PTPRJ: variants seen among roughly 807,000 people sequenced by gnomAD.
PTPRJ encodes the protein protein tyrosine phosphatase receptor type J, also known as receptor-type tyrosine-protein phosphatase eta.
A neutral mutation model predicts 141.3 loss-of-function variants in PTPRJ; 129 were observed. The ratio of observed to expected loss-of-function variants is 0.91; its 90% CI spans 0.79 to 1.06. The LOEUF is 1.06. Among genes scored for constraint, PTPRJ ranks in the 50% least tolerant of loss-of-function variants. PTPRJ has a pLI of 0.00. For synonymous variants in PTPRJ, 610 were observed against 640.5 expected (o/e 0.95, Z 0.72); for missense variants, 1,601 against 1,679.7 (o/e 0.95, Z 0.82).
In PTPRJ at chr11:48,142,998, A is replaced by G. The variant is rs749082149; in HGVS notation, c.2523A>G (p.Glu841=). ...NSVKVKFSGF[E]ASHGPIKAYA... ...TAAAGGTCAAGTTCAGTGGATTTGA[A>G]GCCAGCCACGGACCCATCAAAGCCT... The change falls in exon 12 of 25, where the codon GAA becomes GAG. Residue 841 remains glutamate (E), a synonymous_variant. Transcript: ENST00000418331. The G allele has an allele frequency of 6.2e-7, 1 of 1,614,202 alleles. No homozygotes were observed. Among genetic ancestry groups the G allele is most frequent in the East Asian group, 2.2e-5 (1 of 44,886 alleles).
chr11:48,010,505 A>G (rs1251518060), intron 1 of PTPRJ, among the ~76,000 whole-genome samples: 2 of 151,820 alleles, frequency 1.3e-5, no homozygotes, highest in Non-Finnish European at 2.9e-5. Flanking sequence ...TGTTGAATGA[A>G]TTGAAGACAT....
At chr11:48,137,891 T>A (rs1025045866) in intron 10 of PTPRJ, among the ~76,000 whole-genome samples, 1 of 152,170 alleles carries the variant, frequency 6.6e-6, no homozygotes, top group Non-Finnish European at 1.5e-5. Context: ...TCCTTCTTGA[T>A]CCTCACCTAT....
intron 1 of PTPRJ, among the ~76,000 whole-genome samples, chr11:48,042,997 A>G (rs1854307094): frequency 6.6e-6 from 1 of 152,196 alleles, no homozygotes; most frequent in African/African-American, 2.4e-5. Context: ...TTCTGATAAT[A>G]TGAAAAGTCT....
chr11:48,076,514 C>A (rs908361850), intron 1 of PTPRJ, among the ~76,000 whole-genome samples: 2 of 151,980 alleles, frequency 1.3e-5, no homozygotes, highest in Non-Finnish European at 2.9e-5. Context: ...TTTTTTGGTT[C>A]TTTCTCCTCA....
At chr11:48,115,645 A>G (rs981070137) in intron 3 of PTPRJ, among the ~76,000 whole-genome samples, 1 of 152,264 alleles carries the variant, frequency 6.6e-6, no homozygotes, top group African/African-American at 2.4e-5. Context: ...AGTCAAATTC[A>G]GAATACATGA....
chr11:48,056,028 G>T (rs571839494), intron 1 of PTPRJ, among the ~76,000 whole-genome samples: 1 of 152,206 alleles, frequency 6.6e-6, no homozygotes, highest in Admixed American at 6.5e-5. Context: ...TGGGGAGGAA[G>T]TGGGTTTTCA....
At chr11:48,077,475 A>G (rs1855435396) in intron 1 of PTPRJ, among the ~76,000 whole-genome samples, 1 of 152,176 alleles carries the variant, frequency 6.6e-6, no homozygotes, top group Non-Finnish European at 1.5e-5. Flanking sequence ...TCTTCCAGGA[A>G]TGAGAAATGG....
chr11:48,151,102 G>T (rs61915922), intron 18 of PTPRJ, among the ~76,000 whole-genome samples: 5,113 of 152,200 alleles, frequency 0.034, 130 homozygotes, highest in Non-Finnish European at 0.051. Context: ...TCTAACCTTT[G>T]TATTAGTTCT....
At chr11:47,994,200 A>G (rs1854272601) in intron 1 of PTPRJ, among the ~76,000 whole-genome samples, 2 of 151,686 alleles carry the variant, frequency 1.3e-5, no homozygotes, top group Admixed American at 1.3e-4. Flanking sequence ...AAATACAGAT[A>G]AAAGGAAACA....
intron 1 of PTPRJ, among the ~76,000 whole-genome samples, chr11:48,024,891 CAGT>C (rs755806821): frequency 3.3e-5 from 5 of 152,234 alleles, no homozygotes; most frequent in Non-Finnish European, 5.9e-5. Flanking sequence ...GCCTGCCACA[CAGT>C]AGGGAATCAG....
At chr11:48,120,913 C>G in intron 3 of PTPRJ, 90 bp from the exon 4 acceptor site, 1 of 1,228,666 alleles carries the variant, frequency 8.1e-7, no homozygotes, top group Non-Finnish European at 1.1e-6. Context: ...ATTGGAAAGT[C>G]ACTTCTGGAA....
chr11:48,126,626 C>G (rs1473412574), intron 6 of PTPRJ, among the ~76,000 whole-genome samples: 1 of 151,838 alleles, frequency 6.6e-6, no homozygotes, highest in Non-Finnish European at 1.5e-5. Flanking sequence ...TCTCTCCAGC[C>G]TTTTTGATAA....
At chr11:48,097,652 C>T (rs1361504113) in intron 1 of PTPRJ, among the ~76,000 whole-genome samples, 2 of 152,020 alleles carry the variant, frequency 1.3e-5, no homozygotes, top group Non-Finnish European at 2.9e-5. Flanking sequence ...ATTCTCCTGC[C>T]TCAGCCTCCC....
At chr11:48,006,318 G>T (rs1854621482) in intron 1 of PTPRJ, among the ~76,000 whole-genome samples, 2 of 152,042 alleles carry the variant, frequency 1.3e-5, no homozygotes, top group African/African-American at 4.8e-5. Context: ...GAGGATGGAG[G>T]CGAGAGAGGT....
At chr11:48,104,919 C>G (rs973012435) in intron 1 of PTPRJ, among the ~76,000 whole-genome samples, 4 of 152,104 alleles carry the variant, frequency 2.6e-5, no homozygotes, top group Non-Finnish European at 5.9e-5. Flanking sequence ...GTAAGATGCT[C>G]GGTCAGGACC....
chr11:48,161,136 C>T (rs1276163671), intron 22 of PTPRJ, among the ~76,000 whole-genome samples: 2 of 128,882 alleles, frequency 1.6e-5, no homozygotes, highest in Admixed American at 1.9e-4. Context: ...CGAGATTGTG[C>T]CACTGCTGCA....
intron 1 of PTPRJ, among the ~76,000 whole-genome samples, chr11:48,103,853 C>T (rs1427805297): frequency 6.6e-6 from 1 of 152,180 alleles, no homozygotes; most frequent in Non-Finnish European, 1.5e-5. Context: ...CAAAATAGCC[C>T]TTCTGGGTAC....
At chr11:48,053,288 A>C (rs189041110) in intron 1 of PTPRJ, among the ~76,000 whole-genome samples, 2 of 89,392 alleles carry the variant, frequency 2.2e-5, no homozygotes, top group African/African-American at 9.5e-5. Context: ...TAAATATATA[A>C]AAATATATAA....
intron 3 of PTPRJ, among the ~76,000 whole-genome samples, chr11:48,115,159 A>G (rs2134330889): frequency 6.6e-6 from 1 of 152,218 alleles, no homozygotes; most frequent in Admixed American, 6.5e-5. Context: ...GTAGCAGAAA[A>G]CTCTCCAAAC....
Sources: allele counts gnomAD v4.1 joint callset (sites outside exome capture counted in the v4.1 genomes callset), GRCh38; gene constraint gnomAD v4.1.1; transcripts MANE v1.5; gene names NCBI Gene and HGNC (gene_info 2026-07-23, HGNC 2026-07-21).